GRIK3: variants seen among roughly 807,000 people sequenced by gnomAD.
GRIK3 encodes glutamate receptor ionotropic, kainate 3.
GRIK3 carries 29 observed loss-of-function variants against 102.5 expected under a neutral mutation model. The ratio of observed to expected loss-of-function variants is 0.28; its 90% CI spans 0.21 to 0.39. GRIK3 has a LOEUF of 0.39. GRIK3 is among the 10% of genes least tolerant of loss of function. The pLI, the probability that GRIK3 is intolerant of heterozygous loss-of-function variation, is 1.00. For synonymous variants in GRIK3, 511 were observed against 504.9 expected, an observed-to-expected ratio of 1.01 and a Z score of -0.16; for missense variants, 908 against 1,252.4, an observed-to-expected ratio of 0.73 and a Z score of 4.15.
intron 2 of GRIK3, among the ~76,000 whole-genome samples, chr1:36,890,387 C>G (rs1226787767): frequency 6.6e-6 from 1 of 151,930 alleles, no homozygotes; most frequent in Non-Finnish European, 1.5e-5. Flanking sequence ...TTGCTTGAAC[C>G]TGGGAGGCGG....
At chr1:37,018,395 G>T (rs1021745702) in intron 1 of GRIK3, among the ~76,000 whole-genome samples, 1 of 152,156 alleles carries the variant, frequency 6.6e-6, no homozygotes, top group Non-Finnish European at 1.5e-5. Context: ...CGATTCTACT[G>T]GGACCTTTAA....
intron 1 of GRIK3, among the ~76,000 whole-genome samples, chr1:36,922,978 G>C (rs981768154): frequency 6.6e-6 from 1 of 152,122 alleles, no homozygotes; most frequent in Non-Finnish European, 1.5e-5. Flanking sequence ...ACACCAGGCT[G>C]GCCAGCGGCA....
chr1:37,004,082 A>G (rs146516259), intron 1 of GRIK3, among the ~76,000 whole-genome samples: 1 of 152,242 alleles, frequency 6.6e-6, no homozygotes, highest in Non-Finnish European at 1.5e-5. Context: ...CCCAGAAAAC[A>G]TCAGGGCCTT....
chr1:36,932,864 C>T (rs186239919), intron 1 of GRIK3, among the ~76,000 whole-genome samples: 1 of 152,202 alleles, frequency 6.6e-6, no homozygotes, highest in Admixed American at 6.5e-5. Context: ...TATCTCCAGC[C>T]CAGGGCCTGG....
chr1:37,016,344 T>C (rs77817671), intron 1 of GRIK3, among the ~76,000 whole-genome samples: 1,625 of 152,292 alleles, frequency 0.011, 29 homozygotes, highest in African/African-American at 0.037. Context: ...AGATTCCTTA[T>C]CTGGAAAGTG....
At chr1:36,991,009 G>T (rs1455450168) in intron 1 of GRIK3, among the ~76,000 whole-genome samples, 1 of 152,188 alleles carries the variant, frequency 6.6e-6, no homozygotes, top group Non-Finnish European at 1.5e-5. Flanking sequence ...CCCCACAACT[G>T]CTCCTTCCTT....
intron 1 of GRIK3, among the ~76,000 whole-genome samples, chr1:36,922,561 A>C (rs1641485297): frequency 1.3e-5 from 2 of 152,278 alleles, no homozygotes; most frequent in Admixed American, 1.3e-4. Flanking sequence ...TCACTCCCCC[A>C]AGGTGATCCA....
intron 1 of GRIK3, among the ~76,000 whole-genome samples, chr1:37,002,261 C>A (rs1477387647): frequency 6.6e-6 from 1 of 152,150 alleles, no homozygotes; most frequent in Non-Finnish European, 1.5e-5. Context: ...CATACTAAAC[C>A]TTGTTACTGG....
chr1:36,953,165 C>T (rs569016605), intron 1 of GRIK3, among the ~76,000 whole-genome samples: 18 of 152,204 alleles, frequency 1.2e-4, no homozygotes, highest in Non-Finnish European at 2.4e-4. Context: ...CTGAGGACAA[C>T]GTGTGGACAG....
At chr1:36,997,285 C>G (rs772326566) in intron 1 of GRIK3, among the ~76,000 whole-genome samples, 1 of 152,160 alleles carries the variant, frequency 6.6e-6, no homozygotes, top group Non-Finnish European at 1.5e-5. Context: ...GTTTATGGCG[C>G]GTTCTGTTCA....
At chr1:37,018,234 A>G (rs1470072335) in intron 1 of GRIK3, among the ~76,000 whole-genome samples, 2 of 152,224 alleles carry the variant, frequency 1.3e-5, no homozygotes, top group Non-Finnish European at 2.9e-5. Flanking sequence ...ACGGTGGGCA[A>G]AACAGGCCTG....
chr1:37,026,949 C>CA (rs1569582579), intron 1 of GRIK3, among the ~76,000 whole-genome samples: 1 of 151,630 alleles, frequency 6.6e-6, no homozygotes. Context: ...TTATTGACTC[C>CA]AAAAAAAATC....
intron 1 of GRIK3, among the ~76,000 whole-genome samples, chr1:36,971,921 T>C (rs1642146862): frequency 6.6e-6 from 1 of 152,094 alleles, no homozygotes; most frequent in African/African-American, 2.4e-5. Context: ...CAGGGAAACT[T>C]CTCCAGCTTA....
chr1:36,834,358 C>A (rs1283106457), intron 10 of GRIK3, among the ~76,000 whole-genome samples: 1 of 152,174 alleles, frequency 6.6e-6, no homozygotes. Context: ...GATAACAAGT[C>A]AGAGAGAATA....
chr1:36,872,463 G>T lies in GRIK3; in HGVS notation c.551-94C>A. On this transcript the variant is annotated intron_variant, in intron 3 of 15. Coordinates refer to ENST00000373091, the MANE Select transcript of GRIK3 (RefSeq NM_000831.4). This position sits in a 1 kb window ranked among gnomAD's most constrained non-coding sequence, Gnocchi z 5.9. ...GACTTGTGTGCACACACATGCCCAT[G>T]GCCACAGGTCTGCAGACATACACGG... The T allele has an allele frequency of 9.9e-7, 1 of 1,013,036 alleles. No homozygotes were observed. Among genetic ancestry groups the T allele is most frequent in the Non-Finnish European group, 1.4e-6 (1 of 694,562 alleles). The allele number at this position is 1,013,036 out of a possible 1,614,324, so 62.8% of individuals were successfully genotyped here.
At chr1:36,846,829 A>T (rs796453819) in intron 9 of GRIK3, among the ~76,000 whole-genome samples, 7 of 152,342 alleles carry the variant, frequency 4.6e-5, no homozygotes, top group African/African-American at 1.7e-4. Flanking sequence ...GCCCTAGGCC[A>T]GTCCTTGCAT....
chr1:36,893,800 T>TA (rs1334512552), intron 1 of GRIK3, among the ~76,000 whole-genome samples: 1 of 152,186 alleles, frequency 6.6e-6, no homozygotes, highest in Non-Finnish European at 1.5e-5. Context: ...TATTTACATA[T>TA]AATCACAAAA....
At chr1:37,006,683 G>A (rs1337225170) in intron 1 of GRIK3, among the ~76,000 whole-genome samples, 1 of 152,250 alleles carries the variant, frequency 6.6e-6, no homozygotes, top group African/African-American at 2.4e-5. Context: ...CATCAGAGCA[G>A]GAGCTCTGTT....
Position 36,872,299 on chromosome 1 carries a change from G to T in GRIK3, c.621C>A (p.Leu207=). ...GGCGCGAGTCGTCAGAGTCGATGGG[G>T]AGCTGACGGATCTTCAGGCGGATGT... ...RYNIRLKIRQ[L]PIDSDDSRPL... The change falls in exon 4 of 16, where the codon CTC becomes CTA. Residue 207 remains leucine, a synonymous_variant. Coordinates refer to ENST00000373091, the MANE Select transcript of GRIK3 (RefSeq NM_000831.4). This position sits in a 1 kb window ranked among gnomAD's most constrained non-coding sequence, Gnocchi z 5.9. 1 of 1,612,858 alleles carries T rather than the reference G, an allele frequency of 6.2e-7. No individual in the cohort carries two copies. The highest frequency in any genetic ancestry group is 8.5e-7 in the Non-Finnish European group (1 of 1,179,332).
Sources: gnomAD v4.1 joint callset for allele counts (sites outside exome capture counted in the v4.1 genomes callset) on GRCh38, gnomAD v4.1.1 for gene constraint, Gnocchi (gnomAD v3.1) non-coding constraint, MANE v1.5 for transcripts, NCBI Gene and HGNC (gene_info 2026-07-23, HGNC 2026-07-21) for gene names.